The following LRMDA variants were observed in gnomAD, a reference collection of about 807,000 sequenced individuals.
LRMDA encodes leucine rich melanocyte differentiation associated.
Under a neutral mutation model 29.8 loss-of-function variants are expected in LRMDA, and 18 were observed. The ratio of observed to expected loss-of-function variants is 0.60; its 90% confidence interval spans 0.42 to 0.90. The LOEUF is 0.90. LRMDA is among the 40% of genes least tolerant of loss of function. The probability of loss-of-function intolerance (pLI) is 0.00; values close to 1 mark genes in which losing one functional copy is unlikely to be tolerated. For missense variants in LRMDA, 273 were observed against 273.9 expected (o/e 1.00, Z 0.02); for synonymous variants, 125 against 109.4 (o/e 1.14, Z -0.89).
intron 6 of LRMDA, among the ~76,000 whole-genome samples, chr10:76,388,118 G>C (rs1445234184): frequency 6.6e-6 from 1 of 152,160 alleles, no homozygotes; most frequent in Non-Finnish European, 1.5e-5. Flanking sequence ...GTGCGATACA[G>C]CTAGGTCAGT....
intron 6 of LRMDA, among the ~76,000 whole-genome samples, chr10:76,374,966 G>T (rs891550447): frequency 6.6e-6 from 1 of 152,156 alleles, no homozygotes; most frequent in Non-Finnish European, 1.5e-5. Flanking sequence ...CTGATAACTT[G>T]TCTAAAAACA....
chr10:75,610,947 T>A (rs527482860), intron 2 of LRMDA, among the ~76,000 whole-genome samples: 5 of 152,310 alleles, frequency 3.3e-5, no homozygotes, highest in Non-Finnish European at 7.4e-5. Flanking sequence ...AAACTTAATG[T>A]GTGTGGAGTA....
intron 2 of LRMDA, among the ~76,000 whole-genome samples, chr10:75,587,949 G>A (rs1840676399): frequency 1.3e-5 from 2 of 152,216 alleles, no homozygotes; most frequent in South Asian, 4.2e-4. Flanking sequence ...GTTGTTTCTT[G>A]TATAACCCCT....
rs193262109 is a variant in LRMDA at position 76,310,642 on chromosome 10, G to A, written c.517-13759G>A. On this transcript the variant is annotated intron_variant, in intron 5 of 6. Coordinates refer to ENST00000611255, the MANE Select transcript of LRMDA (RefSeq NM_001305581.2). Reference sequence around the variant, plus strand: ...CAGCTGTCACAATAATTTGGGAAACGATATTCATAACCTCCAATAGAAAAA... The same window carrying A: ...CAGCTGTCACAATAATTTGGGAAACAATATTCATAACCTCCAATAGAAAAA... 9.1e-4 allele frequency among the ~76,000 whole-genome samples: 138 copies of A among 152,246 alleles called. 1 individual carries two copies. The highest frequency in any genetic ancestry group is 3.3e-3 in the African/African-American group (136 of 41,546).
At position 75,873,878 on chromosome 10, in the gene LRMDA, G is replaced by C. The variant is rs151255534; in HGVS notation, c.132-162130G>C. ...GCTTTCCTGTCACTGTATAGTATCA[G>C]GTCTGATGTGGGGTTGGGTGGAGGA... On this transcript the variant is annotated intron_variant, in intron 2 of 6. Transcript: ENST00000611255. Among the ~76,000 whole-genome samples, 438 of 152,272 alleles carry C rather than the reference G, an allele frequency of 2.9e-3. 2 individuals are homozygous for C. Among genetic ancestry groups the C allele is most frequent in the African/African-American group, 0.01 (424 of 41,552 alleles).
intron 2 of LRMDA, chr10:75,743,512 A>G (rs1255067657): frequency 6.6e-6 from 1 of 152,094 alleles, no homozygotes; most frequent in Non-Finnish European, 1.5e-5. Context: ...GAGGAGATCA[A>G]TTTTTCATCC....
chr10:76,472,233 C>T (rs972993790), intron 6 of LRMDA, among the ~76,000 whole-genome samples: 1 of 151,550 alleles, frequency 6.6e-6, no homozygotes, highest in Non-Finnish European at 1.5e-5. Flanking sequence ...TCTCTGATAA[C>T]AATAGAGTGA....
At chr10:75,992,075 GT>G (rs1199578544) in intron 2 of LRMDA, among the ~76,000 whole-genome samples, 1 of 152,260 alleles carries the variant, frequency 6.6e-6, no homozygotes, top group East Asian at 1.9e-4. Context: ...TTTGATGCTT[GT>G]TTTCTCATTT....
chr10:75,888,871 C>T (rs148191635), intron 2 of LRMDA, among the ~76,000 whole-genome samples: 12 of 152,210 alleles, frequency 7.9e-5, no homozygotes, highest in African/African-American at 2.6e-4. Flanking sequence ...AATTACTAAG[C>T]GGGTCTTAGA....
intron 2 of LRMDA, among the ~76,000 whole-genome samples, chr10:75,836,566 A>C (rs911688589): frequency 6.6e-6 from 1 of 152,202 alleles, no homozygotes; most frequent in Admixed American, 6.5e-5. Flanking sequence ...ACTGCTTTGC[A>C]AGGCTAGGTT....
intron 6 of LRMDA, among the ~76,000 whole-genome samples, chr10:76,489,214 T>C (rs1842810132): frequency 6.6e-6 from 1 of 151,888 alleles, no homozygotes; most frequent in Admixed American, 6.6e-5. Flanking sequence ...TCTTTTCAGA[T>C]TTTTTATTTC....
At position 75,938,026 on chromosome 10, in the gene LRMDA, TAGGATGG is replaced by T. The variant is rs1846326119; in HGVS notation, c.132-97970_132-97964del. Among the ~76,000 whole-genome samples, 4 of 152,306 alleles carry T rather than the reference TAGGATGG, an allele frequency of 2.6e-5. No individual in the cohort carries two copies. The South Asian group carries it at 8.3e-4, about 32-fold the overall frequency. On this transcript the variant is annotated intron_variant, in intron 2 of 6. Transcript: ENST00000611255. Reference sequence around the variant, plus strand: ...TGTTCTTAGTTATCAGCTACTGGAATAGGATGGAGGATGGAGGAAATTGTAGGACAAA... The same window carrying T: ...TGTTCTTAGTTATCAGCTACTGGAATAGGATGGAGGAAATTGTAGGACAAA...
chr10:75,984,014 C>T (rs1847219653), intron 2 of LRMDA, among the ~76,000 whole-genome samples: 1 of 152,156 alleles, frequency 6.6e-6, no homozygotes, highest in Non-Finnish European at 1.5e-5. Flanking sequence ...GCTCCCCATG[C>T]AGGGAGCCGG....
At chr10:75,779,823 C>A (rs989299260) in intron 2 of LRMDA, among the ~76,000 whole-genome samples, 4 of 145,152 alleles carry the variant, frequency 2.8e-5, no homozygotes, top group Non-Finnish European at 5.9e-5. Context: ...TGAATAGTGA[C>A]CCCCCCAGCC....
At chr10:76,516,203 T>C (rs1843059416) in intron 6 of LRMDA, among the ~76,000 whole-genome samples, 1 of 152,164 alleles carries the variant, frequency 6.6e-6, no homozygotes, top group African/African-American at 2.4e-5. Context: ...ACATAAGAGT[T>C]AGCAAAAGAA....
At chr10:75,559,288 G>A (rs1367988954) in intron 2 of LRMDA, among the ~76,000 whole-genome samples, 79 of 150,404 alleles carry the variant, frequency 5.3e-4, no homozygotes, top group African/African-American at 1.7e-3. Context: ...GCCAGTGATG[G>A]TGAGCATTTT....
chr10:76,121,907 G>C (rs1422705461), intron 5 of LRMDA, among the ~76,000 whole-genome samples: 1 of 152,158 alleles, frequency 6.6e-6, no homozygotes, highest in Non-Finnish European at 1.5e-5. Flanking sequence ...ATAAAGACCT[G>C]GTATGTGCCA....
At chr10:75,604,014 G>A (rs1399553608) in intron 2 of LRMDA, among the ~76,000 whole-genome samples, 1 of 152,050 alleles carries the variant, frequency 6.6e-6, no homozygotes, top group Non-Finnish European at 1.5e-5. Context: ...GGAGACTTGG[G>A]TTCTAGCCTT....
At chr10:75,783,789 C>T (rs1843425126) in intron 2 of LRMDA, among the ~76,000 whole-genome samples, 1 of 152,192 alleles carries the variant, frequency 6.6e-6, no homozygotes, top group Non-Finnish European at 1.5e-5. Flanking sequence ...TGAGCAAGTG[C>T]TCAATAAATG....
Sources: allele counts gnomAD v4.1 joint callset (sites outside exome capture counted in the v4.1 genomes callset), GRCh38; gene constraint gnomAD v4.1.1; transcripts MANE v1.5; gene names NCBI Gene and HGNC (gene_info 2026-07-23, HGNC 2026-07-21).